ROBO2: variants seen among roughly 807,000 people sequenced by gnomAD.
ROBO2 encodes the protein roundabout homolog 2.
ROBO2 carries 53 observed loss-of-function variants against 160.8 expected under a neutral mutation model. The ratio of observed to expected loss-of-function variants is 0.33; its 90% CI spans 0.26 to 0.41. The LOEUF (loss-of-function observed/expected upper bound fraction) is 0.41, where lower values mean the gene tolerates loss of function less well. Among genes scored for constraint, ROBO2 ranks in the 10% least tolerant of loss-of-function variants. The probability of loss-of-function intolerance (pLI) is 1.00; values close to 1 mark genes in which losing one functional copy is unlikely to be tolerated. For missense variants in ROBO2, 1,577 were observed against 1,722.4 expected (o/e 0.92, Z 1.49); for synonymous variants, 664 against 611.7 (o/e 1.09, Z -1.26).
intron 2 of ROBO2, among the ~76,000 whole-genome samples, chr3:76,873,280 AG>A (rs1035129380): frequency 6.6e-6 from 1 of 152,144 alleles, no homozygotes; most frequent in Non-Finnish European, 1.5e-5. Flanking sequence ...AACCGGAAAA[AG>A]GGGTGTATTT....
intron 2 of ROBO2, among the ~76,000 whole-genome samples, chr3:77,473,079 C>G (rs986145271): frequency 7.2e-5 from 11 of 151,918 alleles, no homozygotes. Context: ...TCCCAGGGTG[C>G]GACGAGATGC....
At chr3:77,612,192 G>A (rs2094657722) in intron 21 of ROBO2, among the ~76,000 whole-genome samples, 1 of 152,146 alleles carries the variant, frequency 6.6e-6, no homozygotes, top group Non-Finnish European at 1.5e-5. Context: ...TTTGGCATTA[G>A]CAGCATTTTC....
intron 2 of ROBO2, among the ~76,000 whole-genome samples, chr3:76,080,167 G>C (rs560000088): frequency 1.3e-5 from 2 of 152,248 alleles, no homozygotes; most frequent in East Asian, 3.9e-4. Context: ...TCTAATCAGA[G>C]CTTATAAGCC....
chr3:77,089,145 T>A (rs2069769953), intron 1 of ROBO2, among the ~76,000 whole-genome samples: 1 of 152,190 alleles, frequency 6.6e-6, no homozygotes, highest in Non-Finnish European at 1.5e-5. Context: ...AATCTAGTGC[T>A]TGGGATTTTC....
chr3:76,392,413 A>C (rs1285586041), intron 2 of ROBO2, among the ~76,000 whole-genome samples: 1 of 152,186 alleles, frequency 6.6e-6, no homozygotes, highest in Non-Finnish European at 1.5e-5. Context: ...GTTTTGGTTT[A>C]TAAAAGCTAT....
At chr3:77,386,083 G>T (rs533850001) in intron 2 of ROBO2, among the ~76,000 whole-genome samples, 1 of 152,268 alleles carries the variant, frequency 6.6e-6, no homozygotes, top group South Asian at 2.1e-4. Flanking sequence ...CAGGTAATAT[G>T]CTTAACAGTA....
chr3:76,324,243 A>T (rs2072824847), intron 2 of ROBO2, among the ~76,000 whole-genome samples: 1 of 152,216 alleles, frequency 6.6e-6, no homozygotes, highest in South Asian at 2.1e-4. Flanking sequence ...AAAAAAGGTC[A>T]CTTTTCTAGC....
At chr3:77,561,059 A>C (rs2093306411) in intron 9 of ROBO2, among the ~76,000 whole-genome samples, 1 of 152,150 alleles carries the variant, frequency 6.6e-6, no homozygotes, top group African/African-American at 2.4e-5. Context: ...AATAGAAGAC[A>C]ATTGTACAGA....
intron 2 of ROBO2, among the ~76,000 whole-genome samples, chr3:76,685,774 T>G (rs2107069215): frequency 6.6e-6 from 1 of 152,266 alleles, no homozygotes; most frequent in South Asian, 2.1e-4. Flanking sequence ...TCTTTGCAAT[T>G]AATCCTTAGA....
intron 2 of ROBO2, among the ~76,000 whole-genome samples, chr3:76,487,623 G>C (rs983557057): frequency 6.6e-6 from 1 of 152,042 alleles, no homozygotes. Context: ...GCAGAAGTTC[G>C]AGCCTAGTTT....
At chr3:76,222,138 C>T (rs758316616) in intron 2 of ROBO2, among the ~76,000 whole-genome samples, 2 of 152,120 alleles carry the variant, frequency 1.3e-5, no homozygotes, top group Non-Finnish European at 2.9e-5. Context: ...TCCCTGCCAC[C>T]ATGTCCACCT....
chr3:77,504,238 G>A (rs949668268), intron 5 of ROBO2, among the ~76,000 whole-genome samples: 14 of 152,162 alleles, frequency 9.2e-5, no homozygotes, highest in African/African-American at 2.9e-4. Context: ...ATTACAAAAG[G>A]TATTGTAATA....
chr3:76,283,042 T>C (rs535498987), intron 2 of ROBO2, among the ~76,000 whole-genome samples: 41 of 144,204 alleles, frequency 2.8e-4, no homozygotes, highest in African/African-American at 9.7e-4. Context: ...AAAAAAAATC[T>C]GAGCCAAGTT....
intron 2 of ROBO2, among the ~76,000 whole-genome samples, chr3:76,633,507 C>T (rs371641730): frequency 1.4e-4 from 22 of 152,160 alleles, no homozygotes; most frequent in African/African-American, 5.3e-4. Flanking sequence ...GAAAAAGACA[C>T]GAAGGAGAAA....
intron 2 of ROBO2, among the ~76,000 whole-genome samples, chr3:77,347,830 A>G (rs2067838994): frequency 6.6e-6 from 1 of 151,786 alleles, no homozygotes; most frequent in South Asian, 2.1e-4. Flanking sequence ...TGTTAATTTC[A>G]CCTTCTTGCC....
At chr3:76,806,287 C>G (rs796667144) in intron 2 of ROBO2, among the ~76,000 whole-genome samples, 9 of 150,242 alleles carry the variant, frequency 6.0e-5, no homozygotes, top group Non-Finnish European at 1.0e-4. Flanking sequence ...ACATTTTTCT[C>G]TTTTTGAAAT....
At chr3:76,603,008 C>G (rs2087279562) in intron 2 of ROBO2, among the ~76,000 whole-genome samples, 1 of 152,042 alleles carries the variant, frequency 6.6e-6, no homozygotes, top group Non-Finnish European at 1.5e-5. Context: ...AAATACTCCA[C>G]AAATCGTCTG....
intron 2 of ROBO2, among the ~76,000 whole-genome samples, chr3:76,758,438 G>A (rs2061111331): frequency 6.6e-6 from 1 of 151,744 alleles, no homozygotes. Flanking sequence ...CTGTAAATGT[G>A]TATTCTCAGG....
chr3:76,861,024 G>A (rs141582005), intron 2 of ROBO2, among the ~76,000 whole-genome samples: 3 of 152,154 alleles, frequency 2.0e-5, no homozygotes, highest in East Asian at 3.9e-4. Context: ...GCTCACTGGC[G>A]ACCTCCAAAA....
Sources: gnomAD v4.1 joint callset for allele counts (sites outside exome capture counted in the v4.1 genomes callset) on GRCh38, gnomAD v4.1.1 for gene constraint, MANE v1.5 for transcripts, NCBI Gene and HGNC (gene_info 2026-07-23, HGNC 2026-07-21) for gene names.